SPG7: variants seen among roughly 807,000 people sequenced by gnomAD.
SPG7 encodes mitochondrial inner membrane m-AAA protease component paraplegin.
In SPG7, 103 loss-of-function variants were observed where a neutral mutation model predicts 81.9. That is an observed-to-expected ratio of 1.26 (90% CI 1.07 to 1.48). The LOEUF (loss-of-function observed/expected upper bound fraction) is 1.48. SPG7 is among the 40% of genes most tolerant of loss of function. The probability of loss-of-function intolerance (pLI) is 0.00; values close to 1 mark genes in which losing one functional copy is unlikely to be tolerated. For missense variants in SPG7, 1,241 were observed against 1,087.3 expected (o/e 1.14, Z -1.99); for synonymous variants, 534 against 444.2 (o/e 1.20, Z -2.54).
chr16:89,523,475 A>T, intron 3 of SPG7: 1 of 342,734 alleles, frequency 2.9e-6, no homozygotes, highest in Non-Finnish European at 5.8e-6. Flanking sequence ...GTATGTTTTG[A>T]TATTTAGTAT....
intron 3 of SPG7, chr16:89,517,475 C>G (rs2058115201): frequency 6.6e-6 from 1 of 152,468 alleles, no homozygotes; most frequent in African/African-American, 2.4e-5. Flanking sequence ...CTAGTCGTTG[C>G]TGCATTGGCA....
In SPG7 at chr16:89,548,127, G is replaced by T; in HGVS notation, c.1663+14G>T. On this transcript the variant is annotated intron_variant, in intron 12 of 16. Transcript: ENST00000645818. ...GCGTCCTCGCAGGTACAGGGGGCGC[G>T]CCCTGGGTGAAGGCCCTCCTTAGCA... 6.4e-7 allele frequency: 1 copy of T among 1,572,240 alleles called. No homozygotes were observed. The highest frequency in any genetic ancestry group is 1.3e-5 in the African/African-American group (1 of 74,490).
rs752623413 is a variant in SPG7 at position 89,556,933 on chromosome 16, T to C, written c.2228T>C (p.Ile743Thr). The C allele has an allele frequency of 6.3e-5, 102 of 1,613,982 alleles. No individual in the cohort carries two copies. The highest frequency in any genetic ancestry group is 1.6e-4 in the Middle Eastern group (1 of 6,082). The change falls in exon 17 of 17, where the codon ATT becomes ACT. Residue 743 changes from isoleucine to threonine, a missense_variant. Transcript: ENST00000645818. Reference protein sequence around the residue: ...LEKEVINYEDIEALIGPPPHG... With the variant: ...LEKEVINYEDTEALIGPPPHG... ...AAGGAAGTGATAAACTATGAGGACA[T>C]TGAGGCTCTCATTGGCCCGCCGCCC...
At chr16:89,519,457 C>G (rs1270451783) in intron 3 of SPG7, 1 of 150,666 alleles carries the variant, frequency 6.6e-6, no homozygotes, top group Non-Finnish European at 1.5e-5. Context: ...CTCAGCTCAC[C>G]GCAACCTCCG....
At chr16:89,536,869 A>G (rs139949614) in intron 9 of SPG7, 29 of 1,614,020 alleles carry the variant, frequency 1.8e-5, no homozygotes, top group South Asian at 3.3e-5. Context: ...ACGGAGGGCA[A>G]TGGAGGGTCA....
chr16:89,536,774 T>C, intron 9 of SPG7: 1 of 1,614,046 alleles, frequency 6.2e-7, no homozygotes, highest in Non-Finnish European at 8.5e-7. Flanking sequence ...GGTGCCTCTC[T>C]TGACCAGCTA....
intron 3 of SPG7, chr16:89,520,631 A>C (rs1004214076): frequency 3.9e-5 from 6 of 152,546 alleles, no homozygotes; most frequent in Admixed American, 2.6e-4. Context: ...TCCTGACCTC[A>C]GGTGATCCAC....
At chr16:89,517,425 A>G (rs2058114403) in intron 3 of SPG7, 1 of 152,270 alleles carries the variant, frequency 6.6e-6, no homozygotes, top group Non-Finnish European at 1.5e-5. Flanking sequence ...CTTCCTGGTT[A>G]TCACTCCTGG....
chr16:89,525,643 G>A (rs2058250281), intron 4 of SPG7, among the ~76,000 whole-genome samples: 1 of 152,158 alleles, frequency 6.6e-6, no homozygotes, highest in African/African-American at 2.4e-5. Flanking sequence ...AGCTAAACAT[G>A]CGGAGTTTAC....
chr16:89,544,796 TC>T lies in SPG7; in HGVS notation c.1449+27del, dbSNP rs776048554. The stretch of plus-strand genomic sequence containing the variant: ...AGGTCAGAGCCAGGATCCCAGCCTC[TC>T]CCACTCCACCTGGGCCGCCCCCACT... On this transcript the variant is annotated intron_variant, in intron 10 of 16. Coordinates refer to ENST00000645818, the MANE Select transcript of SPG7 (RefSeq NM_003119.4). 5.0e-6 allele frequency: 8 copies of T among 1,613,486 alleles called. No homozygotes were observed. In the South Asian group the frequency reaches 7.7e-5, roughly 16 times the overall value.
chr16:89,536,322 G>A (rs906050218), intron 9 of SPG7, among the ~76,000 whole-genome samples: 9 of 152,086 alleles, frequency 5.9e-5, no homozygotes, highest in Admixed American at 5.9e-4. Flanking sequence ...TGGCCGCTCT[G>A]GTGCTGTGTG....
rs1567914771 is a variant in SPG7 at position 89,532,447 on chromosome 16, CTCTG to C, written c.1151-14_1151-11del. On this transcript the variant is annotated splice_polypyrimidine_tract_variant and intron_variant, in intron 8 of 16. Coordinates refer to ENST00000645818, the MANE Select transcript of SPG7 (RefSeq NM_003119.4). ...TATTAACTGCCCATTTCCTGATTCT[CTCTG>C]TGTCCCCTCAGGCCTCGGCGCTGCC... The C allele has an allele frequency of 1.9e-6, 3 of 1,613,030 alleles. No homozygotes were observed.
rs1036099213 is a variant in SPG7, at chr16:89,534,823, C to G, written c.1324+2187C>G. 2.6e-5 allele frequency among the ~76,000 whole-genome samples: 4 copies of G among 152,186 alleles called. No individual in the cohort carries two copies. In the East Asian group the frequency reaches 7.7e-4, roughly 29 times the overall value. ...CCAGGCCACGCTGTCCGTGACTGCC[C>G]CCCAGACCCATCCACAGGTGCTTCC... is the stretch of plus-strand genomic sequence containing the variant. On this transcript the variant is annotated intron_variant, in intron 9 of 16. Transcript: ENST00000645818.
chr16:89,512,999 A>G lies in SPG7; in HGVS notation c.338A>G (p.Lys113Arg), dbSNP rs771130240. Residue 113 changes from lysine to arginine, a missense_variant, in exon 3 of 17, where the codon AAG (lysine) becomes AGG (arginine). Transcript: ENST00000645818. Reference protein sequence around the residue: ...TSRLKQKNKEKDKSKGKAPEE... With the variant: ...TSRLKQKNKERDKSKGKAPEE... ...AGGTTGAAGCAGAAGAATAAGGAGA[A>G]GGATAAGTCGAAGGGGAAGGCGCCT... 23 of 1,613,248 alleles carry G rather than the reference A, an allele frequency of 1.4e-5. No individual in the cohort carries two copies. The Admixed American group carries it at 3.8e-4, about 27-fold the overall frequency.
At chr16:89,554,406 G>C (rs1567934691) in intron 15 of SPG7, 80 bp from the exon 16 acceptor site, 2 of 953,620 alleles carry the variant, frequency 2.1e-6, no homozygotes, top group South Asian at 1.4e-5. Context: ...CGTGTTCCCA[G>C]TCTGCCATTT....
At chr16:89,532,160 C>A in intron 8 of SPG7, 94 bp downstream of exon 8, 1 of 989,180 alleles carries the variant, frequency 1.0e-6, no homozygotes, top group Non-Finnish European at 1.5e-6. Flanking sequence ...GAAAGGGACA[C>A]GGGTGGGTGG....
At chr16:89,552,244 A>T (rs747362562) in intron 13 of SPG7, 3 of 152,406 alleles carry the variant, frequency 2.0e-5, no homozygotes, top group African/African-American at 7.2e-5. Flanking sequence ...TATTTTTTGT[A>T]GCGAAGGGGT....
chr16:89,526,466 A>G lies in SPG7; in HGVS notation c.756A>G (p.Gly252=). ...CCTACAAGCGAACAGGATTCTTTGG[A>G]AAGTATGTTGGATGTATTTGTTGAT... The part of the protein sequence containing the change: ...PVSYKRTGFF[G]NALYSVGMTA... Residue 252 remains glycine, a splice_region_variant and synonymous_variant, in exon 5 of 17, where the codon GGA becomes GGG. Transcript: ENST00000645818. The G allele has an allele frequency of 2.5e-6, 4 of 1,614,160 alleles. No individual in the cohort carries two copies. The highest frequency in any genetic ancestry group is 1.1e-5 in the South Asian group (1 of 91,082).
intron 5 of SPG7, chr16:89,526,903 G>A (rs1190630792): frequency 1.1e-5 from 2 of 182,472 alleles, no homozygotes; most frequent in Admixed American, 7.2e-5. Flanking sequence ...GTAGGATGCC[G>A]AAGTCTCAGC....
Sources: allele counts gnomAD v4.1 joint callset (sites outside exome capture counted in the v4.1 genomes callset), GRCh38; gene constraint gnomAD v4.1.1; transcripts MANE v1.5; gene names NCBI Gene and HGNC (gene_info 2026-07-23, HGNC 2026-07-21).